LDB2: variants seen among roughly 807,000 people sequenced by gnomAD.
The protein encoded by LDB2 is LIM domain binding 2.
In LDB2, 12 loss-of-function variants were observed where a neutral mutation model predicts 44.3. That is an observed-to-expected ratio of 0.27 (90% confidence interval 0.17 to 0.44). The LOEUF (loss-of-function observed/expected upper bound fraction) is 0.44, where lower values mean the gene tolerates loss of function less well. LDB2 is among the 20% of genes least tolerant of loss of function. LDB2 has a pLI of 1.00. For synonymous variants in LDB2, 164 were observed against 174.8 expected (o/e 0.94, Z 0.49); for missense variants, 344 against 473.5 (o/e 0.73, Z 2.54).
intron 2 of LDB2, among the ~76,000 whole-genome samples, chr4:16,645,107 A>G (rs1443058227): frequency 6.6e-6 from 1 of 152,264 alleles, no homozygotes; most frequent in African/African-American, 2.4e-5. Flanking sequence ...AGCACAGGCA[A>G]ATAAGTGCAT....
intron 2 of LDB2, among the ~76,000 whole-genome samples, chr4:16,613,961 G>A (rs940695614): frequency 5.3e-5 from 8 of 152,126 alleles, no homozygotes; most frequent in Non-Finnish European, 1.0e-4. Flanking sequence ...GTATAGCCAA[G>A]ACAATCTTAA....
intron 1 of LDB2, among the ~76,000 whole-genome samples, chr4:16,820,965 T>C (rs1328341101): frequency 6.6e-5 from 10 of 152,224 alleles, no homozygotes; most frequent in African/African-American, 2.4e-4. Flanking sequence ...AATGGTCTTA[T>C]CACATACTAA....
intron 1 of LDB2, among the ~76,000 whole-genome samples, chr4:16,862,118 A>T (rs887225): frequency 0.8 from 121,709 of 152,204 alleles, 49,273 homozygotes; most frequent in East Asian, 0.94. Context: ...TCCTGTTCCA[A>T]GGAGATTATT....
chr4:16,860,062 C>T (rs1711996477), intron 1 of LDB2, among the ~76,000 whole-genome samples: 1 of 152,134 alleles, frequency 6.6e-6, no homozygotes, highest in African/African-American at 2.4e-5. Context: ...GGCTTTATTT[C>T]AAACATGGGA....
At chr4:16,529,113 C>A (rs1322543939) in intron 5 of LDB2, among the ~76,000 whole-genome samples, 1 of 152,110 alleles carries the variant, frequency 6.6e-6, no homozygotes, top group African/African-American at 2.4e-5. Flanking sequence ...AGTGCCTTAC[C>A]CCCGGCACCA....
At chr4:16,679,721 G>T (rs1392829049) in intron 2 of LDB2, among the ~76,000 whole-genome samples, 1 of 152,158 alleles carries the variant, frequency 6.6e-6, no homozygotes, top group Admixed American at 6.5e-5. Context: ...AATGGTGGGG[G>T]CAGGGGAAGA....
intron 1 of LDB2, among the ~76,000 whole-genome samples, chr4:16,884,883 C>T (rs550796997): frequency 1.3e-5 from 2 of 152,196 alleles, no homozygotes; most frequent in South Asian, 2.1e-4. Context: ...ATAGGGGCAT[C>T]CCAGGTACAG....
intron 1 of LDB2, among the ~76,000 whole-genome samples, chr4:16,825,345 T>C (rs1782854847): frequency 6.6e-6 from 1 of 152,140 alleles, no homozygotes; most frequent in African/African-American, 2.4e-5. Context: ...AAGCTAGGGT[T>C]TTCCAGGTTA....
At chr4:16,726,696 C>A (rs1759548785) in intron 2 of LDB2, among the ~76,000 whole-genome samples, 1 of 152,172 alleles carries the variant, frequency 6.6e-6, no homozygotes, top group Non-Finnish European at 1.5e-5. Context: ...GGAGGGAGGA[C>A]CAGCCTGTGG....
At position 16,779,572 on chromosome 4, in the gene LDB2, A is replaced by G. The variant is rs536179760; in HGVS notation, c.133-20312T>C. 2.2e-4 allele frequency among the ~76,000 whole-genome samples: 33 copies of G among 152,294 alleles called. 1 individual carries two copies. The highest frequency in any genetic ancestry group is 7.2e-4 in the African/African-American group (30 of 41,570). ...GGAAGACACGAGGTGAGTAACCTGGAGAAAATGAAGGGCCATAGGAGACAT... is the reference window on the plus strand; with the variant it reads ...GGAAGACACGAGGTGAGTAACCTGGGGAAAATGAAGGGCCATAGGAGACAT... On this transcript the variant is annotated intron_variant, in intron 1 of 7. Coordinates refer to ENST00000304523, the MANE Select transcript of LDB2 (RefSeq NM_001290.5).
chr4:16,585,767 T>C (rs1034102329), intron 5 of LDB2, among the ~76,000 whole-genome samples, 155 bp downstream of exon 5: 6 of 150,362 alleles, frequency 4.0e-5, no homozygotes, highest in Non-Finnish European at 6.0e-5. Context: ...CTGTCCTCCA[T>C]TGAAAACACA....
chr4:16,692,272 G>A (rs528934730), intron 2 of LDB2, among the ~76,000 whole-genome samples: 1 of 152,306 alleles, frequency 6.6e-6, no homozygotes, highest in African/African-American at 2.4e-5. Flanking sequence ...ATTGACTCAT[G>A]CCCAGAGGCT....
intron 2 of LDB2, among the ~76,000 whole-genome samples, chr4:16,738,735 T>C (rs1266442979): frequency 6.6e-6 from 1 of 152,234 alleles, no homozygotes; most frequent in Non-Finnish European, 1.5e-5. Context: ...GGCAAATTAA[T>C]GAACAAATGT....
At chr4:16,809,046 T>G (rs1779294457) in intron 1 of LDB2, among the ~76,000 whole-genome samples, 1 of 152,220 alleles carries the variant, frequency 6.6e-6, no homozygotes, top group South Asian at 2.1e-4. Context: ...TTTTTAAACA[T>G]GGGCATGTAT....
intron 2 of LDB2, among the ~76,000 whole-genome samples, chr4:16,630,501 A>G (rs990495424): frequency 6.6e-6 from 1 of 152,242 alleles, no homozygotes; most frequent in Admixed American, 6.5e-5. Context: ...TGTAAAGACC[A>G]TCAACGCCGT....
At chr4:16,747,141 G>C (rs975173771) in intron 2 of LDB2, among the ~76,000 whole-genome samples, 1 of 152,172 alleles carries the variant, frequency 6.6e-6, no homozygotes, top group African/African-American at 2.4e-5. Flanking sequence ...GCTTACTCGG[G>C]GCTGGTGGAC....
In LDB2 at chr4:16,784,886, G is replaced by A. The variant is rs188567609; in HGVS notation, c.133-25626C>T. Among the ~76,000 whole-genome samples the A allele has an allele frequency of 2.0e-5, 3 of 152,122 alleles. 1 individual carries two copies. In the East Asian group the frequency reaches 5.8e-4, roughly 29 times the overall value. On this transcript the variant is annotated intron_variant, in intron 1 of 7. Transcript: ENST00000304523. The stretch of plus-strand genomic sequence containing the variant: ...AACAATCGTTTCCTAGCTCACTGGT[G>A]CTCTGCTCCCTGGGTGTAGACTGTC...
At chr4:16,587,636 A>C (rs1717470583) in intron 4 of LDB2, among the ~76,000 whole-genome samples, 1 of 152,190 alleles carries the variant, frequency 6.6e-6, no homozygotes, top group African/African-American at 2.4e-5. Flanking sequence ...TGGGAAGGGC[A>C]GAGCTTGTGT....
At chr4:16,827,425 A>G (rs60105588) in intron 1 of LDB2, among the ~76,000 whole-genome samples, 34,648 of 152,112 alleles carry the variant, frequency 0.23, 4,159 homozygotes, top group African/African-American at 0.25. Flanking sequence ...TTTTCCTACC[A>G]TACTTGGAAA....
Sources: allele counts gnomAD v4.1 joint callset (sites outside exome capture counted in the v4.1 genomes callset), GRCh38; gene constraint gnomAD v4.1.1; transcripts MANE v1.5; gene names NCBI Gene and HGNC (gene_info 2026-07-23, HGNC 2026-07-21).